KIFC3: variants seen among roughly 807,000 people sequenced by gnomAD.
The protein encoded by KIFC3 is kinesin family member C3.
Under a neutral mutation model 101.8 loss-of-function variants are expected in KIFC3, and 60 were observed. The observed-to-expected ratio is 0.59, with a 90% CI of 0.48 to 0.73. The LOEUF is 0.73. KIFC3 is among the 30% of genes least tolerant of loss of function. The pLI is 0.00. For synonymous variants in KIFC3, 476 were observed against 482.7 expected (o/e 0.99, Z 0.18); for missense variants, 966 against 1,137.1 (o/e 0.85, Z 2.16).
chr16:57,759,320 C>A, intron 18 of KIFC3, 167 bp from the exon 19 acceptor site: 1 of 782,558 alleles, frequency 1.3e-6, no homozygotes, highest in Non-Finnish European at 2.0e-6. Flanking sequence ...GCGGGGCTCA[C>A]TCCTCACCTA....
chr16:57,820,990 G>A (rs73558668), intron 1 of KIFC3, among the ~76,000 whole-genome samples: 1,669 of 152,194 alleles, frequency 0.011, 29 homozygotes, highest in African/African-American at 0.038. Flanking sequence ...AAATTAGCCA[G>A]GTGAGGTAGC....
chr16:57,810,627 C>T, intron 1 of KIFC3: 1 of 985,256 alleles, frequency 1.0e-6, no homozygotes, highest in Non-Finnish European at 1.2e-6. Flanking sequence ...CCACCCCAGA[C>T]AACCAGAATG....
intron 1 of KIFC3, among the ~76,000 whole-genome samples, chr16:57,828,748 TA>T (rs1555631210): frequency 6.6e-6 from 1 of 152,002 alleles, no homozygotes; most frequent in African/African-American, 2.4e-5. Context: ...AGTGCCTGAG[TA>T]ACAGCCCACT....
intron 1 of KIFC3, among the ~76,000 whole-genome samples, chr16:57,836,901 C>T (rs1196474886): frequency 2.0e-5 from 3 of 152,046 alleles, no homozygotes; most frequent in African/African-American, 7.2e-5. Context: ...GTGGTATAGC[C>T]CAGGCTGGTC....
intron 2 of KIFC3, among the ~76,000 whole-genome samples, chr16:57,796,215 A>C (rs1454597350): frequency 2.6e-5 from 4 of 152,082 alleles, no homozygotes; most frequent in Non-Finnish European, 5.9e-5. Context: ...CTTGGTCCTC[A>C]GTTTGCTTGT....
rs782174980 is a variant in KIFC3 at position 57,758,737 on chromosome 16, G to A, written c.*197C>T. 3.3e-5 allele frequency: 30 copies of A among 904,772 alleles called. No homozygotes were observed. The highest frequency in any genetic ancestry group is 1.8e-4 in the Admixed American group (10 of 54,480). The allele number at this position is 904,772 out of a possible 1,614,324, so 56.0% of individuals were successfully genotyped here. On this transcript the variant is annotated 3_prime_UTR_variant, in exon 20 of 20. Coordinates refer to ENST00000445690, the MANE Select transcript of KIFC3 (RefSeq NM_001130100.2). ...CTCAGAGCCACAGCCGAGAGACACCGTTTCCTTCTGAACATGTTTCTCATC... is the reference window on the plus strand; with the variant it reads ...CTCAGAGCCACAGCCGAGAGACACCATTTCCTTCTGAACATGTTTCTCATC...
In KIFC3 at chr16:57,770,000, G is replaced by C; in HGVS notation, c.940-45C>G. 1 of 1,581,650 alleles carries C rather than the reference G, an allele frequency of 6.3e-7. No homozygotes were observed. The highest frequency in any genetic ancestry group is 1.3e-5 in the African/African-American group (1 of 74,252). On this transcript the variant is annotated intron_variant, in intron 7 of 19. Coordinates refer to ENST00000445690, the MANE Select transcript of KIFC3 (RefSeq NM_001130100.2). This position sits in a 1 kb window ranked among gnomAD's most constrained non-coding sequence, Gnocchi z 4.3. ...GCTCAGTACCTCGAGGTGCGGGAGA[G>C]AGAGGGGCAGGTGCCACACCGAGAA...
At chr16:57,794,781 C>A (rs2054157799) in intron 3 of KIFC3, among the ~76,000 whole-genome samples, 1 of 152,202 alleles carries the variant, frequency 6.6e-6, no homozygotes, top group Non-Finnish European at 1.5e-5. Context: ...TCAGCCAGGG[C>A]ATGGCTGAAA....
chr16:57,791,747 G>A (rs2149169886), intron 3 of KIFC3, among the ~76,000 whole-genome samples: 1 of 152,266 alleles, frequency 6.6e-6, no homozygotes, highest in African/African-American at 2.4e-5. Context: ...CCCAACTCGA[G>A]GCTGTGGGTT....
At chr16:57,862,734 A>G (rs1567351062) in exon 1 of KIFC3, 1 of 1,285,610 alleles carries the variant, frequency 7.8e-7, no homozygotes, top group Non-Finnish European at 1.0e-6. Flanking sequence ...CTTACCTTGC[A>G]CTGCTCCGGG....
chr16:57,815,902 G>A (rs781858139), intron 1 of KIFC3, among the ~76,000 whole-genome samples: 1 of 152,196 alleles, frequency 6.6e-6, no homozygotes, highest in Non-Finnish European at 1.5e-5. Context: ...GCCCTGTGGC[G>A]AGTGCTGCCC....
chr16:57,771,511 A>C, intron 5 of KIFC3, 32 bp downstream of exon 5: 1 of 1,609,992 alleles, frequency 6.2e-7, no homozygotes, highest in Non-Finnish European at 8.5e-7. Context: ...GCCCTCCAGG[A>C]CCAGCATGGG....
intron 1 of KIFC3, among the ~76,000 whole-genome samples, chr16:57,852,768 TGAGC>T (rs2056084035): frequency 1.7e-5 from 2 of 119,742 alleles, no homozygotes; most frequent in Admixed American, 1.8e-4. Flanking sequence ...CCGTGAGCCG[TGAGC>T]CAAACTAGGG....
intron 1 of KIFC3, among the ~76,000 whole-genome samples, chr16:57,844,433 GGA>G (rs1491163030): frequency 2.5e-5 from 2 of 80,318 alleles, no homozygotes; most frequent in Non-Finnish European, 5.2e-5. Context: ...TCAGTCTCAG[GGA>G]AAAAAAAAAA....
rs782389096 is a variant in KIFC3 at position 57,765,514 on chromosome 16, T to C, written c.1457A>G (p.Lys486Arg). 1 of 1,592,556 alleles carries C rather than the reference T, an allele frequency of 6.3e-7. No individual in the cohort carries two copies. The highest frequency in any genetic ancestry group is 1.1e-5 in the South Asian group (1 of 87,724). ...CTTGTCCAGCTCGAAGGACACAGGC[T>C]TGCCCTTGTGCAGCAGGTGGATGAT... ...DSIIHLLHKG[K>R]PVSFELDKVF... The change falls in exon 11 of 20, where the codon AAG (lysine) becomes AGG (arginine). Residue 486 changes from lysine (K) to arginine (R), a missense_variant. Lys to Arg is a conservative substitution (Grantham distance 26, BLOSUM62 2). Coordinates refer to ENST00000445690, the MANE Select transcript of KIFC3 (RefSeq NM_001130100.2).
At chr16:57,775,970 G>A (rs1028683457) in intron 3 of KIFC3, 33 of 985,366 alleles carry the variant, frequency 3.3e-5, no homozygotes, top group Non-Finnish European at 4.0e-5. Flanking sequence ...AGCTGGGCCT[G>A]TCTGCCGGCT....
At chr16:57,775,984 C>T in intron 3 of KIFC3, 1 of 985,494 alleles carries the variant, frequency 1.0e-6, no homozygotes, top group Non-Finnish European at 1.2e-6. Flanking sequence ...GCCGGCTTGA[C>T]ACCACCTGCA....
intron 1 of KIFC3, chr16:57,816,553 G>T: frequency 2.2e-6 from 1 of 456,782 alleles, no homozygotes; most frequent in Non-Finnish European, 4.4e-6. Context: ...GCGAGTGACA[G>T]CTGGCTGCTC....
chr16:57,798,229 G>A lies in KIFC3; in HGVS notation c.15C>T (p.Arg5=). 5 of 1,551,462 alleles carry A rather than the reference G, an allele frequency of 3.2e-6. No homozygotes were observed. The highest frequency in any genetic ancestry group is 4.4e-6 in the Non-Finnish European group (5 of 1,148,308). MVPS[R]RTWNLGATPS... The stretch of plus-strand genomic sequence containing the variant: ...GCGTGGCTCCCAGGTTCCACGTCCT[G>A]CGAGAGGGGACCATGGCCTGGGGCT... Residue 5 remains arginine, a synonymous_variant, in exon 2 of 20, where the codon CGC becomes CGT. Coordinates refer to ENST00000445690, the MANE Select transcript of KIFC3 (RefSeq NM_001130100.2).
Sources: gnomAD v4.1 joint callset for allele counts (sites outside exome capture counted in the v4.1 genomes callset) on GRCh38, gnomAD v4.1.1 for gene constraint, Gnocchi (gnomAD v3.1) non-coding constraint, MANE v1.5 for transcripts, NCBI Gene and HGNC (gene_info 2026-07-23, HGNC 2026-07-21) for gene names.